The following CCDC38 variants were observed in gnomAD, a reference collection of about 807,000 sequenced individuals.
The protein encoded by CCDC38 is coiled-coil domain containing 38, also known as coiled-coil domain-containing protein 38.
A neutral mutation model predicts 72.8 loss-of-function variants in CCDC38; 69 were observed. The observed-to-expected ratio is 0.95, with a 90% CI of 0.78 to 1.16. The LOEUF (loss-of-function observed/expected upper bound fraction) is 1.16, where lower values mean the gene tolerates loss of function less well. CCDC38 is among the 50% of genes most tolerant of loss of function. The pLI is 0.00. For synonymous variants in CCDC38, 201 were observed against 213.2 expected (o/e 0.94, Z 0.50); for missense variants, 626 against 638.9 (o/e 0.98, Z 0.22).
Position 95,927,738 on chromosome 12 carries a change from T to C in CCDC38, c.37+8735A>G, listed in dbSNP as rs2080288523. On this transcript the variant is annotated intron_variant, in intron 2 of 15. Coordinates refer to ENST00000344280, the MANE Select transcript of CCDC38 (RefSeq NM_182496.3). Reference sequence around the variant, plus strand: ...AGCTCTTGTAGGGCAGGCCTGGTGGTGACAAAATCGCTCAGCATTTGCTTG... The same window carrying C: ...AGCTCTTGTAGGGCAGGCCTGGTGGCGACAAAATCGCTCAGCATTTGCTTG... Among the ~76,000 whole-genome samples, 3 of 152,154 alleles carry C rather than the reference T, an allele frequency of 2.0e-5. No individual in the cohort carries two copies. The South Asian group carries it at 6.2e-4, about 32-fold the overall frequency.
In CCDC38 at chr12:95,867,054, T is replaced by G; in HGVS notation, c.*22A>C. 7.7e-7 allele frequency: 1 copy of G among 1,290,772 alleles called. No individual in the cohort carries two copies. Among genetic ancestry groups the G allele is most frequent in the Non-Finnish European group, 1.1e-6 (1 of 895,002 alleles). The allele number at this position is 1,290,772 out of a possible 1,614,324, so 80.0% of individuals were successfully genotyped here. A position where few individuals can be genotyped will look rare whatever the true frequency, so the allele number is the denominator to read the frequency against. On this transcript the variant is annotated 3_prime_UTR_variant, in exon 16 of 16. Coordinates refer to ENST00000344280, the MANE Select transcript of CCDC38 (RefSeq NM_182496.3). ...AAATACACCTAAGACATTCTGGTAA[T>G]AAAATGTCTTACTGCTTTTATTCAA...
At chr12:95,915,836 T>C (rs2080138414) in intron 4 of CCDC38, among the ~76,000 whole-genome samples, 1 of 152,240 alleles carries the variant, frequency 6.6e-6, no homozygotes, top group Admixed American at 6.5e-5. Context: ...TTTGAAGAGT[T>C]GACCCTATGC....
chr12:95,891,372 G>T (rs2079825385), intron 8 of CCDC38, among the ~76,000 whole-genome samples: 1 of 152,064 alleles, frequency 6.6e-6, no homozygotes, highest in Non-Finnish European at 1.5e-5. Flanking sequence ...TGGGGACAGG[G>T]TCTTGTTCTG....
At chr12:95,917,003 A>G (rs1404084088) in intron 4 of CCDC38, 126 bp downstream of exon 4, 1 of 595,506 alleles carries the variant, frequency 1.7e-6, no homozygotes, top group East Asian at 3.3e-5. Flanking sequence ...ATCCCCATGT[A>G]CTAAGACTCC....
intron 5 of CCDC38, among the ~76,000 whole-genome samples, chr12:95,902,494 T>C (rs895499429): frequency 4.6e-5 from 7 of 152,204 alleles, no homozygotes; most frequent in Non-Finnish European, 5.9e-5. Flanking sequence ...TCTGTCTGGA[T>C]TTATAAACTT....
rs747486733 is a variant in CCDC38, at chr12:95,890,870, A to G, written c.833T>C (p.Val278Ala). ...TCCCTGAGAAGCATCTTCTGAAAGGACAGCTGTCCTCCCGGACTCCTCAAG... is the reference window on the plus strand; with the variant it reads ...TCCCTGAGAAGCATCTTCTGAAAGGGCAGCTGTCCTCCCGGACTCCTCAAG... ...GILEESGRTA[V>A]LSEDASQGRD... The change falls in exon 9 of 16, where the codon GTC (valine) becomes GCC (alanine). Residue 278 changes from valine to alanine, a missense_variant. Coordinates refer to ENST00000344280, the MANE Select transcript of CCDC38 (RefSeq NM_182496.3). 6.2e-6 allele frequency: 10 copies of G among 1,608,134 alleles called. No homozygotes were observed. The highest frequency in any genetic ancestry group is 1.7e-4 in the Middle Eastern group (1 of 6,040).
At chr12:95,915,353 C>A (rs2080133652) in intron 4 of CCDC38, among the ~76,000 whole-genome samples, 1 of 152,192 alleles carries the variant, frequency 6.6e-6, no homozygotes, top group African/African-American at 2.4e-5. Flanking sequence ...TAGAATACTG[C>A]AACAGAGAGT....
chr12:95,922,522 T>G (rs549968146), intron 2 of CCDC38, among the ~76,000 whole-genome samples: 68 of 152,138 alleles, frequency 4.5e-4, no homozygotes, highest in Non-Finnish European at 8.4e-4. Context: ...TGGCTGACAG[T>G]GCAGTGAAAC....
At chr12:95,899,554 C>T (rs969479600) in intron 5 of CCDC38, among the ~76,000 whole-genome samples, 1 of 152,190 alleles carries the variant, frequency 6.6e-6, no homozygotes, top group African/African-American at 2.4e-5. Flanking sequence ...CTGCCTTGGC[C>T]TCCCAAAGTG....
intron 13 of CCDC38, among the ~76,000 whole-genome samples, chr12:95,874,775 A>G (rs1280092374): frequency 1.3e-5 from 2 of 152,222 alleles, no homozygotes; most frequent in African/African-American, 4.8e-5. Flanking sequence ...ACGGGAAGTG[A>G]TATGACCAGA....
chr12:95,888,425 T>A, intron 10 of CCDC38, 33 bp downstream of exon 10: 2 of 1,594,514 alleles, frequency 1.3e-6, no homozygotes, highest in Non-Finnish European at 1.7e-6. Flanking sequence ...CCATTCCCAG[T>A]TTCCAAGGGA....
At chr12:95,903,343 C>T (rs1288530040) in intron 5 of CCDC38, 1 of 673,486 alleles carries the variant, frequency 1.5e-6, no homozygotes, top group Non-Finnish European at 2.7e-6. Flanking sequence ...ATAAAGACAG[C>T]TTTAATTCTT....
At chr12:95,942,261 C>T (rs10859990) in intron 1 of CCDC38, among the ~76,000 whole-genome samples, 170 bp downstream of exon 1, 62,898 of 151,836 alleles carry the variant, frequency 0.41, 13,665 homozygotes, top group Admixed American at 0.53. Context: ...GCAGTGTTTC[C>T]ATAGCAATTG....
At chr12:95,927,482 CTCTT>C (rs1448495255) in intron 2 of CCDC38, among the ~76,000 whole-genome samples, 1 of 151,050 alleles carries the variant, frequency 6.6e-6, no homozygotes, top group Non-Finnish European at 1.5e-5. Context: ...TGGGTCTTGA[CTCTT>C]TATCCAATTT....
chr12:95,918,877 G>A lies in CCDC38; in HGVS notation c.137C>T (p.Thr46Met), dbSNP rs200597928. 2.6e-4 allele frequency: 410 copies of A among 1,582,732 alleles called. 3 individuals carry two copies. The South Asian group carries it at 3.7e-3, about 14-fold the overall frequency. The change falls in exon 3 of 16, where the codon ACG (threonine) becomes ATG (methionine). Residue 46 changes from threonine (T) to methionine (M), a missense_variant and splice_region_variant. Physicochemically the swap from Thr to Met is moderately conservative, Grantham distance 81. Transcript: ENST00000344280. ...GTTGTGATTTTAATTAAACTTTACC[G>A]TTTCCTTTGCTGCCATTTCATTTTC... Reference protein sequence around the residue: ...VKENEMAAKETEKFMNRNMKV... With the variant: ...VKENEMAAKEMEKFMNRNMKV...
At chr12:95,875,185 C>T (rs558831217) in intron 13 of CCDC38, among the ~76,000 whole-genome samples, 6 of 152,220 alleles carry the variant, frequency 3.9e-5, no homozygotes, top group Admixed American at 2.0e-4. Flanking sequence ...TGGCATGAGA[C>T]GTCAGGACAG....
chr12:95,931,139 G>T (rs548965654), intron 2 of CCDC38, among the ~76,000 whole-genome samples: 1 of 152,134 alleles, frequency 6.6e-6, no homozygotes, highest in Non-Finnish European at 1.5e-5. Flanking sequence ...ATAAAATCAG[G>T]ATGTTGATAG....
rs2079657592 is a variant in CCDC38 at position 95,878,267 on chromosome 12, C to G, written c.1222G>C (p.Glu408Gln). 5 of 1,613,668 alleles carry G rather than the reference C, an allele frequency of 3.1e-6. No homozygotes were observed. Among genetic ancestry groups the G allele is most frequent in the East Asian group, 2.2e-5 (1 of 44,830 alleles). The change falls in exon 13 of 16, where the codon GAA becomes CAA. Residue 408 changes from glutamate (E) to glutamine (Q), a missense_variant. Transcript: ENST00000344280. ...AAGAGCTTGGACTTTAATTGCAATT[C>G]TGCTGCTTTCTCTTCTTCTCTCACA... is the stretch of plus-strand genomic sequence containing the variant. ...NCVREEEKAA[E>Q]LQLKSKLFSF...
At chr12:95,927,368 T>C (rs961730978) in intron 2 of CCDC38, among the ~76,000 whole-genome samples, 8 of 150,730 alleles carry the variant, frequency 5.3e-5, no homozygotes, top group African/African-American at 2.0e-4. Context: ...AACCCCTGCC[T>C]TTTTTTGTTT....
Sources: allele counts gnomAD v4.1 joint callset (sites outside exome capture counted in the v4.1 genomes callset), GRCh38; gene constraint gnomAD v4.1.1; transcripts MANE v1.5; gene names NCBI Gene and HGNC (gene_info 2026-07-23, HGNC 2026-07-21).